Variants in PROM1 observed in about 807,000 individuals in gnomAD.
PROM1 encodes the protein prominin-1.
Under a neutral mutation model 116.9 loss-of-function variants are expected in PROM1, and 105 were observed. That is an observed-to-expected ratio of 0.90 (90% CI 0.77 to 1.06). The LOEUF is 1.06. PROM1 is among the 50% of genes least tolerant of loss of function. The probability of loss-of-function intolerance (pLI) is 0.00; values close to 1 mark genes in which losing one functional copy is unlikely to be tolerated. For synonymous variants in PROM1, 393 were observed against 387.0 expected (o/e 1.02, Z -0.18); for missense variants, 1,122 against 1,045.2 (o/e 1.07, Z -1.01).
Position 16,013,262 on chromosome 4 carries a change from C to T in PROM1, c.1141+13G>A. 1.3e-6 allele frequency: 2 copies of T among 1,592,756 alleles called. No homozygotes were observed. The highest frequency in any genetic ancestry group is 2.2e-5 in the South Asian group (2 of 90,578). ...CTACCAATCACAAAATCACCTCAAACTGTGAATCTCACCTGCTACGACAGT... is the reference window on the plus strand; with the variant it reads ...CTACCAATCACAAAATCACCTCAAATTGTGAATCTCACCTGCTACGACAGT... On this transcript the variant is annotated intron_variant, in intron 11 of 27. Transcript: ENST00000447510.
At chr4:16,015,476 G>A (rs933444941) in intron 10 of PROM1, among the ~76,000 whole-genome samples, 2 of 151,798 alleles carry the variant, frequency 1.3e-5, no homozygotes, top group Non-Finnish European at 2.9e-5. Context: ...GATCACTTGA[G>A]GTCAGGAGTT....
At chr4:16,028,293 A>G (rs991356241) in intron 5 of PROM1, among the ~76,000 whole-genome samples, 2 of 152,240 alleles carry the variant, frequency 1.3e-5, no homozygotes, top group Non-Finnish European at 1.5e-5. Flanking sequence ...AGAAAGCATT[A>G]AAGAAAAATT....
chr4:16,079,260 C>T (rs554906820), intron 1 of PROM1: 2 of 152,230 alleles, frequency 1.3e-5, no homozygotes, highest in African/African-American at 4.8e-5. Context: ...GGCTCTCCAA[C>T]TCCCTCAGTG....
intron 2 of PROM1, among the ~76,000 whole-genome samples, chr4:16,042,171 G>C (rs990159134): frequency 3.3e-5 from 5 of 152,132 alleles, no homozygotes; most frequent in African/African-American, 1.2e-4. Context: ...CCACTGACAG[G>C]ATTTGTTGCC....
At chr4:16,040,587 C>T (rs934323347) in intron 2 of PROM1, among the ~76,000 whole-genome samples, 1 of 152,188 alleles carries the variant, frequency 6.6e-6, no homozygotes, top group Non-Finnish European at 1.5e-5. Context: ...GATCTAGCAA[C>T]GAGTTAGAAG....
chr4:15,978,991 AAAGG>A (rs1264646073), intron 26 of PROM1, among the ~76,000 whole-genome samples: 4 of 147,126 alleles, frequency 2.7e-5, no homozygotes, highest in African/African-American at 7.7e-5. Flanking sequence ...AGGAAGGAAA[AAAGG>A]AAGGAAGGAA....
At chr4:16,032,871 C>T (rs1041900066) in intron 5 of PROM1, among the ~76,000 whole-genome samples, 1 of 152,190 alleles carries the variant, frequency 6.6e-6, no homozygotes, top group Non-Finnish European at 1.5e-5. Context: ...TTTCAAATTT[C>T]CAAATTCAGG....
At chr4:15,984,190 G>C in intron 23 of PROM1, 73 bp downstream of exon 23, 1 of 1,164,240 alleles carries the variant, frequency 8.6e-7, no homozygotes. Flanking sequence ...ATATTATAAT[G>C]TATATCATAA....
intron 2 of PROM1, among the ~76,000 whole-genome samples, chr4:16,040,203 C>T (rs531888504): frequency 7.2e-5 from 11 of 152,230 alleles, no homozygotes; most frequent in Non-Finnish European, 1.3e-4. Flanking sequence ...TCCCACAAGG[C>T]TTTCTGCAAA....
intron 2 of PROM1, among the ~76,000 whole-genome samples, chr4:16,052,281 C>G (rs1027974551): frequency 6.6e-6 from 1 of 152,186 alleles, no homozygotes; most frequent in Non-Finnish European, 1.5e-5. Context: ...TCACTGCACT[C>G]CCACAGAATC....
Position 15,979,407 on chromosome 4 carries a change from G to C in PROM1, c.2570C>G (p.Pro857Arg). The C allele has an allele frequency of 6.2e-7, 1 of 1,613,580 alleles. No individual in the cohort carries two copies. The highest frequency in any genetic ancestry group is 1.1e-5 in the South Asian group (1 of 91,026). Residue 857 changes from proline (P) to arginine (R), a missense_variant, in exon 26 of 28, where the codon CCT becomes CGT. Physicochemically the swap from Pro to Arg is moderately radical, Grantham distance 103. Coordinates refer to ENST00000447510, the MANE Select transcript of PROM1 (RefSeq NM_006017.3). The part of the protein sequence containing the change: ...HKDHVYGIHN[P>R]VMTSPSQH Reference sequence around the variant, plus strand: ...GACTTTGCTTTACCTTGTCATAACAGGATTGTGAATACCATATACATGATC... The same window carrying C: ...GACTTTGCTTTACCTTGTCATAACACGATTGTGAATACCATATACATGATC...
At chr4:16,018,842 CAA>C (rs1343973371) in intron 8 of PROM1, among the ~76,000 whole-genome samples, 8 of 152,172 alleles carry the variant, frequency 5.3e-5, no homozygotes, top group African/African-American at 1.9e-4. Context: ...CAGTGGCCAG[CAA>C]AGTTGTCACC....
rs531873534 is a variant in PROM1 at position 16,070,912 on chromosome 4, A to G, written c.220+4775T>C. Among the ~76,000 whole-genome samples the G allele has an allele frequency of 2.0e-5, 3 of 152,312 alleles. No homozygotes were observed. In the South Asian group the frequency reaches 6.2e-4, roughly 32 times the overall value. On this transcript the variant is annotated intron_variant, in intron 2 of 27. Transcript: ENST00000447510. ...CTCCTGGAGACACCTTCTGATTCCT[A>G]AGTCTCCTCCCTACATCAATCGTGG... is the stretch of plus-strand genomic sequence containing the variant.
At chr4:15,996,103 C>T (rs923996178) in intron 15 of PROM1, among the ~76,000 whole-genome samples, 12 of 152,258 alleles carry the variant, frequency 7.9e-5, no homozygotes, top group Admixed American at 1.3e-4. Flanking sequence ...TTTACACAAC[C>T]GAGGTGTTTC....
chr4:16,063,527 C>A (rs1303686460), intron 2 of PROM1, among the ~76,000 whole-genome samples: 11 of 152,136 alleles, frequency 7.2e-5, no homozygotes, highest in Non-Finnish European at 1.5e-5. Flanking sequence ...ACCTGGGAGG[C>A]AGAGGTTGCA....
intron 9 of PROM1, among the ~76,000 whole-genome samples, chr4:16,016,971 G>C (rs899050957): frequency 1.3e-5 from 2 of 152,182 alleles, no homozygotes; most frequent in African/African-American, 4.8e-5. Context: ...GTTATAAAAG[G>C]CATTTCTGGA....
At chr4:16,009,934 C>CAAAAAA (rs4065768) in intron 11 of PROM1, among the ~76,000 whole-genome samples, 1 of 75,438 alleles carries the variant, frequency 1.3e-5, no homozygotes, top group African/African-American at 5.6e-5. Context: ...GACTCGCTCT[C>CAAAAAA]AAAAAAAAAA....
At chr4:15,977,197 C>G (rs1234593988) in intron 26 of PROM1, among the ~76,000 whole-genome samples, 1 of 151,760 alleles carries the variant, frequency 6.6e-6, no homozygotes. Flanking sequence ...AGGCTTGCAT[C>G]TCTCTCTCTA....
intron 27 of PROM1, 61 bp downstream of exon 27, chr4:15,970,982 T>G: frequency 3.1e-6 from 4 of 1,293,088 alleles, no homozygotes; most frequent in Non-Finnish European, 3.3e-6. Context: ...TATGTTTTGA[T>G]GTTCTAAAAA....
Sources: gnomAD v4.1 joint callset for allele counts (sites outside exome capture counted in the v4.1 genomes callset) on GRCh38, gnomAD v4.1.1 for gene constraint, MANE v1.5 for transcripts, NCBI Gene and HGNC (gene_info 2026-07-23, HGNC 2026-07-21) for gene names.